STK32B: variants seen among roughly 807,000 people sequenced by gnomAD.
STK32B encodes the protein serine/threonine kinase 32B, also known as serine/threonine-protein kinase 32B.
STK32B carries 43 observed loss-of-function variants against 52.6 expected under a neutral mutation model. The observed-to-expected ratio is 0.82, with a 90% CI of 0.64 to 1.05. STK32B has a LOEUF of 1.05. STK32B is among the 50% of genes least tolerant of loss of function. The probability of loss-of-function intolerance (pLI) is 0.00; values close to 1 mark genes in which losing one functional copy is unlikely to be tolerated. For synonymous variants in STK32B, 238 were observed against 204.3 expected, an observed-to-expected ratio of 1.17 and a Z score of -1.41; for missense variants, 621 against 534.6, an observed-to-expected ratio of 1.16 and a Z score of -1.59.
intron 1 of STK32B, among the ~76,000 whole-genome samples, chr4:5,108,161 TTA>T (rs1714208577): frequency 6.6e-6 from 1 of 152,236 alleles, no homozygotes; most frequent in South Asian, 2.1e-4. Context: ...CTTTTGCATC[TTA>T]TATGTTTCCG....
intron 3 of STK32B, among the ~76,000 whole-genome samples, chr4:5,185,856 A>G (rs892000612): frequency 6.6e-6 from 1 of 152,174 alleles, no homozygotes; most frequent in Non-Finnish European, 1.5e-5. Context: ...AACACTATGT[A>G]CAGTCTCATC....
chr4:5,268,813 T>A (rs1727225777), intron 3 of STK32B, among the ~76,000 whole-genome samples: 1 of 151,310 alleles, frequency 6.6e-6, no homozygotes, highest in South Asian at 2.1e-4. Flanking sequence ...AATGGGATAA[T>A]AGGGACCAGA....
intron 6 of STK32B, among the ~76,000 whole-genome samples, chr4:5,422,734 A>G (rs1712748062): frequency 1.3e-5 from 2 of 152,166 alleles, no homozygotes; most frequent in South Asian, 4.1e-4. Context: ...GATTGTATGA[A>G]CATAGTTGTA....
chr4:5,496,398 C>T (rs1333814612), intron 11 of STK32B, among the ~76,000 whole-genome samples: 1 of 152,152 alleles, frequency 6.6e-6, no homozygotes, highest in Non-Finnish European at 1.5e-5. Context: ...CGGGATATCT[C>T]CTGGTGCACC....
intron 1 of STK32B, among the ~76,000 whole-genome samples, chr4:5,052,750 C>T (rs766330003): frequency 3.3e-5 from 5 of 152,168 alleles, no homozygotes; most frequent in Non-Finnish European, 7.3e-5. Flanking sequence ...CAGTACCGAG[C>T]TGTGCCGTTT....
intron 3 of STK32B, among the ~76,000 whole-genome samples, chr4:5,288,744 T>A (rs1179132221): frequency 2.0e-5 from 3 of 152,218 alleles, no homozygotes; most frequent in African/African-American, 7.2e-5. Context: ...TTAATTTTAA[T>A]GACAACCAAC....
chr4:5,153,501 C>A (rs1223638428), intron 2 of STK32B, among the ~76,000 whole-genome samples: 1 of 148,166 alleles, frequency 6.7e-6, no homozygotes, highest in African/African-American at 2.5e-5. Context: ...CTTCAACATT[C>A]ATTGGTGGAA....
chr4:5,135,461 A>G (rs943838156), intron 1 of STK32B, among the ~76,000 whole-genome samples: 31 of 152,240 alleles, frequency 2.0e-4, no homozygotes, highest in African/African-American at 7.5e-4. Flanking sequence ...ACAATAAAAT[A>G]GTTAGCATTT....
rs541771194 is a variant in STK32B at position 5,435,451 on chromosome 4, C to T, written c.563-11222C>T. ...TTCTGTGTCGTCCCAGAGCAACTCGCTCCTTCCTCTGCAAGAATCCTGAGC... is the reference window on the plus strand; with the variant it reads ...TTCTGTGTCGTCCCAGAGCAACTCGTTCCTTCCTCTGCAAGAATCCTGAGC... On this transcript the variant is annotated intron_variant, in intron 6 of 11. Coordinates refer to ENST00000282908, the MANE Select transcript of STK32B (RefSeq NM_018401.3). 7.9e-5 allele frequency among the ~76,000 whole-genome samples: 12 copies of T among 152,288 alleles called. No homozygotes were observed. In the South Asian group the frequency reaches 2.1e-3, roughly 26 times the overall value.
At chr4:5,284,647 C>A (rs1245347137) in intron 3 of STK32B, among the ~76,000 whole-genome samples, 1 of 151,540 alleles carries the variant, frequency 6.6e-6, no homozygotes, top group Non-Finnish European at 1.5e-5. Context: ...ATAAAACTCA[C>A]TGTAACACAT....
At chr4:5,333,821 T>A (rs1188619125) in intron 4 of STK32B, among the ~76,000 whole-genome samples, 1 of 152,182 alleles carries the variant, frequency 6.6e-6, no homozygotes, top group African/African-American at 2.4e-5. Flanking sequence ...CTCTGTTGTG[T>A]TCCATTGATG....
At chr4:5,468,859 G>A (rs527888277) in intron 11 of STK32B, among the ~76,000 whole-genome samples, 2 of 152,028 alleles carry the variant, frequency 1.3e-5, no homozygotes, top group Admixed American at 6.6e-5. Flanking sequence ...TCAGGATATC[G>A]AGACCACGGT....
At chr4:5,099,454 G>GTGCACA (rs138682243) in intron 1 of STK32B, among the ~76,000 whole-genome samples, 1 of 129,744 alleles carries the variant, frequency 7.7e-6, no homozygotes, top group East Asian at 2.0e-4. Flanking sequence ...GTGTGTGCGC[G>GTGCACA]CGCGCGTATG....
intron 1 of STK32B, among the ~76,000 whole-genome samples, chr4:5,052,629 A>G (rs1741835200): frequency 6.6e-6 from 1 of 152,298 alleles, no homozygotes; most frequent in Admixed American, 6.5e-5. Flanking sequence ...TCTCTGAAAC[A>G]TTAGTCCCTT....
intron 1 of STK32B, among the ~76,000 whole-genome samples, chr4:5,061,334 T>C (rs765171722): frequency 1.4e-4 from 21 of 152,208 alleles, no homozygotes; most frequent in Non-Finnish European, 2.8e-4. Context: ...CCGTCGGTTC[T>C]CTTTTATGGC....
chr4:5,141,738 G>A (rs1716471156), intron 2 of STK32B, among the ~76,000 whole-genome samples: 1 of 152,102 alleles, frequency 6.6e-6, no homozygotes, highest in Non-Finnish European at 1.5e-5. Flanking sequence ...AAATCAAGTG[G>A]TCCATAGGTA....
In STK32B at chr4:5,057,658, A is replaced by G. The variant is rs1742058479; in HGVS notation, c.52+5743A>G. ...ATGTTGAGTCTTGAGGGAAGGGTTT[A>G]AATGCCTCAAGAGATAAAGGATCAG... On this transcript the variant is annotated intron_variant, in intron 1 of 11. Coordinates refer to ENST00000282908, the MANE Select transcript of STK32B (RefSeq NM_018401.3). 2.0e-5 allele frequency among the ~76,000 whole-genome samples: 3 copies of G among 152,178 alleles called. No individual in the cohort carries two copies. In the South Asian group the frequency reaches 6.2e-4, roughly 32 times the overall value.
At chr4:5,299,841 C>T (rs7696656) in intron 3 of STK32B, among the ~76,000 whole-genome samples, 5,008 of 152,196 alleles carry the variant, frequency 0.033, 256 homozygotes, top group African/African-American at 0.11. Flanking sequence ...GATGGATTAA[C>T]AGCCAAATTC....
intron 1 of STK32B, among the ~76,000 whole-genome samples, chr4:5,085,569 C>G (rs1442137335): frequency 6.6e-6 from 1 of 152,186 alleles, no homozygotes; most frequent in African/African-American, 2.4e-5. Flanking sequence ...GGTGCATTCT[C>G]TACTATGTTC....
Sources: allele counts gnomAD v4.1 joint callset (sites outside exome capture counted in the v4.1 genomes callset), GRCh38; gene constraint gnomAD v4.1.1; transcripts MANE v1.5; gene names NCBI Gene and HGNC (gene_info 2026-07-23, HGNC 2026-07-21).